The following GRIP2 variants were observed in gnomAD, a reference collection of about 807,000 sequenced individuals.
GRIP2 encodes glutamate receptor interacting protein 2.
Under a neutral mutation model 108.3 loss-of-function variants are expected in GRIP2, and 58 were observed. That is an observed-to-expected ratio of 0.54 (90% CI 0.43 to 0.67). GRIP2 has a LOEUF of 0.67. Ranked by LOEUF, GRIP2 falls within the 30% of genes least tolerant of loss-of-function variation. The pLI, the probability that GRIP2 is intolerant of heterozygous loss-of-function variation, is 0.00. For missense variants in GRIP2, 1,278 were observed against 1,430.6 expected (o/e 0.89, Z 1.72); for synonymous variants, 586 against 598.2 (o/e 0.98, Z 0.30).
chr3:14,494,987 C>T lies in GRIP2; in HGVS notation c.2826G>A (p.Val942=), dbSNP rs1246958551. ...LLPTPLEMHK[V]TLHKDPMRHD... The stretch of plus-strand genomic sequence containing the variant: ...GCCGCATGGGGTCCTTGTGCAGGGT[C>T]ACCTGGAAGCAGAAGGAGGAGGAGG... Residue 942 remains valine, a splice_region_variant and synonymous_variant, in exon 23 of 24, where the codon GTG becomes GTA. Transcript: ENST00000621039. The T allele has an allele frequency of 6.2e-7, 1 of 1,613,584 alleles. No homozygotes were observed. The highest frequency in any genetic ancestry group is 1.1e-5 in the South Asian group (1 of 91,038).
upstream of GRIP2, chr3:14,541,832 C>A: frequency 7.9e-7 from 1 of 1,272,194 alleles, no homozygotes; most frequent in Non-Finnish European, 1.0e-6. Context: ...GTGGACATTT[C>A]CTGGACGACT....
At chr3:14,569,458 G>C in the GRIP2 span, among the ~76,000 whole-genome samples, 1 of 152,180 alleles carries the variant, frequency 6.6e-6, no homozygotes, top group Non-Finnish European at 1.5e-5. Context: ...GGAGGCCTAG[G>C]GGATACAGTC....
At chr3:14,559,535 C>T (rs141783597), upstream of GRIP2, among the ~76,000 whole-genome samples, 360 of 151,838 alleles carry the variant, frequency 2.4e-3, 1 homozygote, top group African/African-American at 8.3e-3. Context: ...GAGAAGACAA[C>T]TGTGGGAGGC....
At position 14,507,489 on chromosome 3, in the gene GRIP2, C is replaced by T; in HGVS notation, c.2218+72G>A. 1.9e-6 allele frequency: 3 copies of T among 1,562,424 alleles called. No homozygotes were observed. The highest frequency in any genetic ancestry group is 2.6e-6 in the Non-Finnish European group (3 of 1,138,716). On this transcript the variant is annotated intron_variant, in intron 18 of 23. Transcript: ENST00000621039. This position sits in a 1 kb window ranked among gnomAD's most constrained non-coding sequence, Gnocchi z 4.6. ...TGAGGACTCTGTGAGGGTGTGCAGGCAAAGCCTGGCACAGAGGGATTGCCC... is the reference window on the plus strand; with the variant it reads ...TGAGGACTCTGTGAGGGTGTGCAGGTAAAGCCTGGCACAGAGGGATTGCCC...
chr3:14,547,191 G>T (rs1015125970), intron 1 of GRIP2, among the ~76,000 whole-genome samples: 5 of 152,184 alleles, frequency 3.3e-5, no homozygotes, highest in Non-Finnish European at 7.3e-5. Context: ...AGGAAAGATG[G>T]AAAGGAAGGA....
rs113927058 is a variant in GRIP2 at position 14,550,499 on chromosome 3, G to A, written c.55+5401C>T. The stretch of plus-strand genomic sequence containing the variant: ...TGAAGTGTGAGGAACATTCTAGTAT[G>A]CCACCCTCCCCGCAGCGGCACCGCT... On this transcript the variant is annotated intron_variant, in intron 1 of 23. Transcript: ENST00000637182. 6.1e-3 allele frequency among the ~76,000 whole-genome samples: 922 copies of A among 152,262 alleles called. 18 individuals are homozygous for A. Among genetic ancestry groups the A allele is most frequent in the African/African-American group, 0.021 (866 of 41,542 alleles).
rs141108048 is a variant in GRIP2 at position 14,526,433 on chromosome 3, C to T, written c.41-502G>A. ...GCAGCTCATGTGAGACAGCTCTGAC[C>T]GAGACGAAACTCAATCTTGGGTGGA... is the stretch of plus-strand genomic sequence containing the variant. On this transcript the variant is annotated intron_variant, in intron 1 of 23. Coordinates refer to ENST00000621039, the MANE Select transcript of GRIP2 (RefSeq NM_001080423.4). Among the ~76,000 whole-genome samples, 26 of 152,254 alleles carry T rather than the reference C, an allele frequency of 1.7e-4. No individual in the cohort carries two copies. In the East Asian group the frequency reaches 3.9e-3, roughly 23 times the overall value.
chr3:14,511,470 C>T lies in GRIP2; in HGVS notation c.1730G>A (p.Arg577Lys). The part of the protein sequence containing the change: ...ELGITISSAS[R>K]KRGEPLIISD... Reference sequence around the variant, plus strand: ...GATGATCAAGGGCTCCCCTCGTTTCCTGCTGGCCGCTGGAGAAAAAGAGGC... The same window carrying T: ...GATGATCAAGGGCTCCCCTCGTTTCTTGCTGGCCGCTGGAGAAAAAGAGGC... Residue 577 changes from arginine to lysine, a missense_variant, in exon 15 of 24, where the codon AGG becomes AAG. Physicochemically the swap from Arg to Lys is conservative, Grantham distance 26. Coordinates refer to ENST00000621039, the MANE Select transcript of GRIP2 (RefSeq NM_001080423.4). This position sits in a 1 kb window ranked among gnomAD's most constrained non-coding sequence, Gnocchi z 4.1. 1 of 1,613,440 alleles carries T rather than the reference C, an allele frequency of 6.2e-7. No homozygotes were observed. The highest frequency in any genetic ancestry group is 8.5e-7 in the Non-Finnish European group (1 of 1,179,870).
Position 14,507,068 on chromosome 3 carries a change from A to C in GRIP2, c.2219-88T>G. ...GCATTTCAGCCTGGTCTGGAAACTC[A>C]CAGGCAGTAAGCCCTTCTGAGCTGA... On this transcript the variant is annotated intron_variant, in intron 18 of 23. Transcript: ENST00000621039. The surrounding 1 kb of genome is among the most constrained non-coding windows in gnomAD (Gnocchi z 4.6). 6.3e-6 allele frequency: 8 copies of C among 1,268,950 alleles called. No individual in the cohort carries two copies. Among genetic ancestry groups the C allele is most frequent in the South Asian group, 1.5e-5 (1 of 68,164 alleles). The allele number at this position is 1,268,950 out of a possible 1,614,324, so 78.6% of individuals were successfully genotyped here. A position where few individuals can be genotyped will look rare whatever the true frequency, so the allele number is the denominator to read the frequency against.
chr3:14,552,200 G>T (rs1695161078), intron 1 of GRIP2, among the ~76,000 whole-genome samples: 1 of 152,232 alleles, frequency 6.6e-6, no homozygotes, highest in Admixed American at 6.5e-5. Context: ...CTGGGAGTCA[G>T]ATTTGAGGCC....
chr3:14,549,874 G>C lies in GRIP2; in HGVS notation c.55+6026C>G, dbSNP rs558742910. 1.4e-4 allele frequency among the ~76,000 whole-genome samples: 22 copies of C among 152,328 alleles called. No homozygotes were observed. In the East Asian group the frequency reaches 2.3e-3, roughly 16 times the overall value. On this transcript the variant is annotated intron_variant, in intron 1 of 23. Coordinates refer to the GRIP2 transcript ENST00000637182. ...ACATTCTCAAAAGGGCTTGGTGGAC[G>C]TGGTGATCACCAGATTCTGTGTCCT...
At chr3:14,523,447 G>A (rs1694467393) in intron 5 of GRIP2, 165 bp downstream of exon 5, 4 of 612,810 alleles carry the variant, frequency 6.5e-6, no homozygotes, top group Non-Finnish European at 1.2e-5. Context: ...CTACTTCATT[G>A]CTTGGCAGAT....
the GRIP2 span, among the ~76,000 whole-genome samples, chr3:14,600,106 C>T: frequency 6.6e-6 from 1 of 152,132 alleles, no homozygotes; most frequent in Non-Finnish European, 1.5e-5. Flanking sequence ...AGACACAAAC[C>T]TACTGGATCC....
chr3:14,558,155 A>G (rs1211725124), upstream of GRIP2, among the ~76,000 whole-genome samples: 1 of 152,116 alleles, frequency 6.6e-6, no homozygotes, highest in East Asian at 1.9e-4. Flanking sequence ...GAACATCCCT[A>G]TTTTACAAGC....
chr3:14,551,678 T>C (rs1357925881), intron 1 of GRIP2, among the ~76,000 whole-genome samples: 1 of 152,108 alleles, frequency 6.6e-6, no homozygotes, highest in Non-Finnish European at 1.5e-5. Flanking sequence ...AGTGGCCACA[T>C]GTTGGGAATA....
chr3:14,563,967 C>A, the GRIP2 span, among the ~76,000 whole-genome samples: 4,809 of 152,276 alleles, frequency 0.032, 292 homozygotes, highest in African/African-American at 0.11. Flanking sequence ...AACCCCTCCA[C>A]CCTTACCCAT....
chr3:14,504,273 T>A (rs1253093586), intron 20 of GRIP2, among the ~76,000 whole-genome samples: 1 of 152,090 alleles, frequency 6.6e-6, no homozygotes, highest in Non-Finnish European at 1.5e-5. Context: ...GCCTCAACGG[T>A]TACAAGGCAT....
the GRIP2 span, among the ~76,000 whole-genome samples, chr3:14,581,165 T>C: frequency 2.0e-5 from 3 of 152,240 alleles, no homozygotes; most frequent in African/African-American, 7.2e-5. Flanking sequence ...GATGGATCTA[T>C]TGGTTCTCTT....
At chr3:14,570,142 C>G in the GRIP2 span, among the ~76,000 whole-genome samples, 2 of 152,138 alleles carry the variant, frequency 1.3e-5, no homozygotes, top group African/African-American at 2.4e-5. Context: ...GAAACATGCC[C>G]CAGAGGAGGA....
Sources: gnomAD v4.1 joint callset for allele counts (sites outside exome capture counted in the v4.1 genomes callset) on GRCh38, gnomAD v4.1.1 for gene constraint, Gnocchi (gnomAD v3.1) non-coding constraint, MANE v1.5 for transcripts, NCBI Gene and HGNC (gene_info 2026-07-23, HGNC 2026-07-21) for gene names.